Variants in RYR3 observed in about 807,000 individuals in gnomAD.
The protein encoded by RYR3 is ryanodine receptor 3, also known as brain ryanodine receptor-calcium release channel.
RYR3 carries 207 observed loss-of-function variants against 584.3 expected under a neutral mutation model. That is an observed-to-expected ratio of 0.35 (90% confidence interval 0.32 to 0.40). The LOEUF (loss-of-function observed/expected upper bound fraction) is 0.40, where lower values mean the gene tolerates loss of function less well. RYR3 is among the 10% of genes least tolerant of loss of function. The pLI is 1.00. For missense variants in RYR3, 5,616 were observed against 6,089.2 expected (o/e 0.92, Z 2.59); for synonymous variants, 2,416 against 2,248.5 (o/e 1.07, Z -2.11).
At chr15:33,661,995 GA>G (rs2063192890) in intron 34 of RYR3, among the ~76,000 whole-genome samples, 157 bp from the exon 35 acceptor site, 1 of 152,186 alleles carries the variant, frequency 6.6e-6, no homozygotes, top group Non-Finnish European at 1.5e-5. Context: ...CTGGAATACG[GA>G]CCAGAGCTGA....
At chr15:33,436,338 T>C (rs540334998) in intron 1 of RYR3, among the ~76,000 whole-genome samples, 1 of 152,320 alleles carries the variant, frequency 6.6e-6, no homozygotes, top group Admixed American at 6.5e-5. Flanking sequence ...TGTTGGTTTT[T>C]TCTTTGAAAT....
chr15:33,432,907 C>T (rs1455475809), intron 1 of RYR3, among the ~76,000 whole-genome samples: 2 of 152,038 alleles, frequency 1.3e-5, no homozygotes, highest in African/African-American at 2.4e-5. Flanking sequence ...ATAGAAAAAT[C>T]AATACAATCC....
chr15:33,396,516 G>C (rs2042307086), intron 1 of RYR3, among the ~76,000 whole-genome samples: 1 of 152,218 alleles, frequency 6.6e-6, no homozygotes, highest in Non-Finnish European at 1.5e-5. Flanking sequence ...TCTGTCTTTA[G>C]ATGAGAGATC....
chr15:33,388,240 C>CA (rs1163002229), intron 1 of RYR3, among the ~76,000 whole-genome samples: 1 of 152,156 alleles, frequency 6.6e-6, no homozygotes, highest in Non-Finnish European at 1.5e-5. Flanking sequence ...AAATTATCTT[C>CA]AATTTAGATT....
At chr15:33,650,097 G>T (rs908515097) in intron 31 of RYR3, among the ~76,000 whole-genome samples, 1 of 152,210 alleles carries the variant, frequency 6.6e-6, no homozygotes, top group African/African-American at 2.4e-5. Flanking sequence ...TGCTGGCTTA[G>T]GCTGGGCACG....
intron 89 of RYR3, among the ~76,000 whole-genome samples, chr15:33,840,009 C>T (rs547171483): frequency 6.6e-6 from 1 of 152,200 alleles, no homozygotes; most frequent in Non-Finnish European, 1.5e-5. Flanking sequence ...CATTTTTGCT[C>T]TCATGGATCT....
intron 16 of RYR3, among the ~76,000 whole-genome samples, chr15:33,588,710 A>C (rs1252977165): frequency 1.3e-5 from 2 of 152,196 alleles, no homozygotes; most frequent in Admixed American, 6.5e-5. Context: ...AGTATTTGAC[A>C]TTCTGTATTT....
intron 1 of RYR3, among the ~76,000 whole-genome samples, chr15:33,399,155 C>CT (rs955248529): frequency 6.6e-6 from 1 of 151,940 alleles, no homozygotes; most frequent in African/African-American, 2.4e-5. Context: ...ACAAGTGACC[C>CT]TTTTTTTTAA....
At chr15:33,459,433 T>G (rs1284393225) in intron 1 of RYR3, among the ~76,000 whole-genome samples, 3 of 152,180 alleles carry the variant, frequency 2.0e-5, no homozygotes, top group Non-Finnish European at 1.5e-5. Context: ...ATTAGTAAGA[T>G]GTCCCTGAGG....
intron 62 of RYR3, among the ~76,000 whole-genome samples, chr15:33,771,261 C>G (rs9972370): frequency 0.023 from 3,568 of 152,238 alleles, 138 homozygotes; most frequent in African/African-American, 0.08. Flanking sequence ...CTAGGCTGAG[C>G]ACGGTGGCTC....
intron 16 of RYR3, among the ~76,000 whole-genome samples, chr15:33,591,046 C>T (rs2059106163): frequency 6.6e-6 from 1 of 152,048 alleles, no homozygotes; most frequent in South Asian, 2.1e-4. Flanking sequence ...TGTTGCAGTG[C>T]CCACTCCATA....
At chr15:33,763,084 G>T (rs1212847917) in intron 60 of RYR3, among the ~76,000 whole-genome samples, 1 of 152,134 alleles carries the variant, frequency 6.6e-6, no homozygotes, top group Non-Finnish European at 1.5e-5. Flanking sequence ...ACTAAAAGTG[G>T]ACCCCTTCCT....
intron 57 of RYR3, among the ~76,000 whole-genome samples, chr15:33,753,843 A>G (rs561115772): frequency 1.3e-5 from 2 of 152,174 alleles, no homozygotes; most frequent in Admixed American, 6.5e-5. Context: ...TGATTTGCTG[A>G]TAAATAACTT....
At chr15:33,508,079 G>C (rs1329233435) in intron 3 of RYR3, among the ~76,000 whole-genome samples, 1 of 152,152 alleles carries the variant, frequency 6.6e-6, no homozygotes, top group East Asian at 1.9e-4. Context: ...TTCTAGGAAT[G>C]AAAGGCCTTG....
At chr15:33,631,747 A>G (rs2061276583) in intron 23 of RYR3, among the ~76,000 whole-genome samples, 1 of 152,124 alleles carries the variant, frequency 6.6e-6, no homozygotes, top group South Asian at 2.1e-4. Context: ...CTACATTCAG[A>G]CACAGTTGCA....
intron 1 of RYR3, among the ~76,000 whole-genome samples, chr15:33,419,792 A>G (rs1356970044): frequency 6.6e-6 from 1 of 152,182 alleles, no homozygotes; most frequent in African/African-American, 2.4e-5. Flanking sequence ...AGCAGAAGGA[A>G]AAAGTGATGC....
chr15:33,780,204 T>C lies in RYR3; in HGVS notation c.9138-7T>C. On this transcript the variant is annotated splice_region_variant and splice_polypyrimidine_tract_variant and intron_variant, in intron 64 of 103. Coordinates refer to ENST00000634891, the MANE Select transcript of RYR3 (RefSeq NM_001036.6). ...CCACACTTCTCAATGGACTTCTTTG[T>C]TTCCAGGCAACGCCCTGCCCTTGGA... is the stretch of plus-strand genomic sequence containing the variant. The C allele has an allele frequency of 6.2e-7, 1 of 1,613,048 alleles. No individual in the cohort carries two copies. Among genetic ancestry groups the C allele is most frequent in the Non-Finnish European group, 8.5e-7 (1 of 1,179,336 alleles).
intron 27 of RYR3, among the ~76,000 whole-genome samples, chr15:33,639,550 G>C (rs8030266): frequency 0.24 from 36,043 of 152,038 alleles, 5,359 homozygotes; most frequent in Admixed American, 0.32. Flanking sequence ...GCATTGTAGC[G>C]CCTACCTCCC....
At chr15:33,646,729 C>T (rs1007326350) in intron 29 of RYR3, among the ~76,000 whole-genome samples, 3 of 152,250 alleles carry the variant, frequency 2.0e-5, no homozygotes, top group African/African-American at 7.2e-5. Flanking sequence ...ATAATTAAGG[C>T]ACCAATCATG....
Sources: gnomAD v4.1 joint callset for allele counts (sites outside exome capture counted in the v4.1 genomes callset) on GRCh38, gnomAD v4.1.1 for gene constraint, MANE v1.5 for transcripts, NCBI Gene and HGNC (gene_info 2026-07-23, HGNC 2026-07-21) for gene names.